The following DRC8 variants were observed in gnomAD, a reference collection of about 807,000 sequenced individuals.
DRC8 encodes dynein regulatory complex subunit 8.
the DRC8 span, among the ~76,000 whole-genome samples, chr1:245,045,832 A>G: frequency 0.6 from 90,745 of 152,044 alleles, 28,369 homozygotes; most frequent in East Asian, 0.73. Context: ...GATGCAAACG[A>G]AGACTCAACC....
At chr1:245,058,244 A>AAATAAT in the DRC8 span, among the ~76,000 whole-genome samples, 3 of 151,734 alleles carry the variant, frequency 2.0e-5, no homozygotes, top group Non-Finnish European at 2.9e-5. Flanking sequence ...CCCTTTCTAA[A>AAATAAT]AATAATAATA....
chr1:245,063,682 A>G, the DRC8 span, among the ~76,000 whole-genome samples: 1 of 152,148 alleles, frequency 6.6e-6, no homozygotes, highest in Non-Finnish European at 1.5e-5. Context: ...ATGAGGCACA[A>G]TGGTGGCCCA....
At chr1:244,981,693 A>G in the DRC8 span, among the ~76,000 whole-genome samples, 68 of 152,298 alleles carry the variant, frequency 4.5e-4, no homozygotes, top group African/African-American at 1.6e-3. Context: ...GTGGACTGTC[A>G]TGAGAGTGAG....
chr1:245,020,613 CTT>C, the DRC8 span, among the ~76,000 whole-genome samples: 995 of 59,722 alleles, frequency 0.017, 7 homozygotes, highest in Non-Finnish European at 0.024. Context: ...GTTTTTCTTT[CTT>C]TTTTTTTTTT....
At chr1:245,018,905 C>CT in the DRC8 span, among the ~76,000 whole-genome samples, 1 of 152,156 alleles carries the variant, frequency 6.6e-6, no homozygotes, top group East Asian at 1.9e-4. Context: ...CCAGGTTTCT[C>CT]TAACGCCAAG....
At chr1:244,999,628 A>G in the DRC8 span, among the ~76,000 whole-genome samples, 1 of 152,216 alleles carries the variant, frequency 6.6e-6, no homozygotes, top group Non-Finnish European at 1.5e-5. Flanking sequence ...AAAAAGACAG[A>G]CACAAATAAT....
chr1:245,058,586 T>C, the DRC8 span, among the ~76,000 whole-genome samples: 1 of 152,248 alleles, frequency 6.6e-6, no homozygotes, highest in Non-Finnish European at 1.5e-5. Context: ...TTTGCGAAAT[T>C]AAATTAACAT....
chr1:245,002,526 G>A, the DRC8 span, among the ~76,000 whole-genome samples: 1 of 152,030 alleles, frequency 6.6e-6, no homozygotes, highest in East Asian at 1.9e-4. Flanking sequence ...TGTTTCTTTA[G>A]TTTCTTTTCT....
At chr1:245,033,159 G>A in the DRC8 span, among the ~76,000 whole-genome samples, 2 of 152,164 alleles carry the variant, frequency 1.3e-5, no homozygotes, top group Non-Finnish European at 2.9e-5. Flanking sequence ...GGCACACGGC[G>A]GGCTCTCCAA....
At chr1:245,106,037 T>C in the DRC8 span, among the ~76,000 whole-genome samples, 1 of 152,228 alleles carries the variant, frequency 6.6e-6, no homozygotes, top group Non-Finnish European at 1.5e-5. Context: ...CACTCCAGCC[T>C]GGACAACAGA....
the DRC8 span, among the ~76,000 whole-genome samples, chr1:245,043,555 G>T: frequency 4.6e-5 from 7 of 152,018 alleles, no homozygotes; most frequent in Non-Finnish European, 7.4e-5. Context: ...AGGAGTTAGC[G>T]TTTTTTTAAT....
chr1:245,124,205 C>T, the DRC8 span: 1,468 of 166,282 alleles, frequency 8.8e-3, 21 homozygotes, highest in African/African-American at 0.033. Context: ...CTAGGTACCA[C>T]GTTGTCTGTC....
chr1:245,049,200 G>C, the DRC8 span, among the ~76,000 whole-genome samples: 2 of 152,136 alleles, frequency 1.3e-5, 1 homozygote, highest in Admixed American at 1.3e-4. This position sits in a 1 kb window ranked among gnomAD's most constrained non-coding sequence, Gnocchi z 4.5. Context: ...GGCCAGGCTG[G>C]TCTCCAACTC....
the DRC8 span, among the ~76,000 whole-genome samples, chr1:244,985,399 C>G: frequency 1.3e-5 from 2 of 152,274 alleles, no homozygotes; most frequent in African/African-American, 4.8e-5. Flanking sequence ...AGAGCCTGTC[C>G]CATGTGGTGG....
the DRC8 span, among the ~76,000 whole-genome samples, chr1:245,026,901 T>C: frequency 6.6e-6 from 1 of 152,164 alleles, no homozygotes; most frequent in Non-Finnish European, 1.5e-5. Context: ...TGTGATTGCA[T>C]CTGAAGATGA....
the DRC8 span, chr1:245,083,657 G>A: frequency 2.5e-6 from 4 of 1,611,204 alleles, no homozygotes; most frequent in Non-Finnish European, 3.4e-6. Context: ...TTCTTACTAA[G>A]GACGAGCTGA....
At chr1:245,078,268 G>A in the DRC8 span, among the ~76,000 whole-genome samples, 3 of 152,230 alleles carry the variant, frequency 2.0e-5, no homozygotes, top group South Asian at 2.1e-4. Context: ...AAAACAGTAC[G>A]GGGGTTTCTC....
the DRC8 span, among the ~76,000 whole-genome samples, chr1:245,035,395 T>C: frequency 7.8e-6 from 1 of 128,078 alleles, no homozygotes; most frequent in Non-Finnish European, 1.7e-5. Context: ...TGGAATAGAA[T>C]TGAGTCTGGA....
At chr1:245,022,710 T>A in the DRC8 span, among the ~76,000 whole-genome samples, 2 of 152,114 alleles carry the variant, frequency 1.3e-5, no homozygotes, top group South Asian at 2.1e-4. Context: ...TGCATGTGCA[T>A]GTGCGTGTGC....
Sources: allele counts gnomAD v4.1 joint callset (sites outside exome capture counted in the v4.1 genomes callset), GRCh38; gene constraint gnomAD v4.1.1; non-coding constraint Gnocchi (gnomAD v3.1); transcripts MANE v1.5; gene names NCBI Gene and HGNC (gene_info 2026-07-23, HGNC 2026-07-21).